Variants in ABCA7 observed in about 807,000 individuals in gnomAD.
The protein encoded by ABCA7 is ATP binding cassette subfamily A member 7.
A neutral mutation model predicts 227.6 loss-of-function variants in ABCA7; 261 were observed. The observed-to-expected ratio is 1.15, with a 90% CI of 1.04 to 1.27. The LOEUF is 1.27. Ranked by LOEUF, ABCA7 falls within the 50% of genes most tolerant of loss-of-function variation. The probability of loss-of-function intolerance (pLI) is 0.00; values close to 1 mark genes in which losing one functional copy is unlikely to be tolerated. For missense variants in ABCA7, 3,331 were observed against 2,924.5 expected (o/e 1.14, Z -3.21); for synonymous variants, 1,488 against 1,279.7 (o/e 1.16, Z -3.47).
rs762385586 is a variant in ABCA7 at position 1,046,934 on chromosome 19, G to A, written c.1755G>A (p.Gly585=). The A allele has an allele frequency of 1.3e-6, 2 of 1,563,580 alleles. No individual in the cohort carries two copies. The highest frequency in any genetic ancestry group is 4.6e-5 in the East Asian group (2 of 43,186). Residue 585 remains glycine, a synonymous_variant, in exon 14 of 47, where the codon GGG becomes GGA. Coordinates refer to ENST00000263094, the MANE Select transcript of ABCA7 (RefSeq NM_019112.4). ...TGCGGGACACCATGCGCGCCATGGG[G>A]CTCAGCCGCGCGGTGCTCTGGCTAG... ...TRLRDTMRAM[G]LSRAVLWLGW...
chr19:1,041,026 G>T (rs550337485), intron 1 of ABCA7, among the ~76,000 whole-genome samples, 199 bp from the exon 2 acceptor site: 18 of 152,218 alleles, frequency 1.2e-4, no homozygotes, highest in African/African-American at 4.3e-4. Context: ...GGTGACGAAA[G>T]CGTTAAGCCC....
At chr19:1,049,131 C>T (rs961488174) in intron 17 of ABCA7, 126 bp downstream of exon 17, 1 of 1,114,838 alleles carries the variant, frequency 9.0e-7, no homozygotes. Context: ...CCTGAAGACA[C>T]TGCGGTCCCC....
At position 1,057,304 on chromosome 19, in the gene ABCA7, T is replaced by A. The variant is rs767356096; in HGVS notation, c.4765-10T>A. 1.8e-5 allele frequency: 29 copies of A among 1,613,408 alleles called. No homozygotes were observed. Among genetic ancestry groups the A allele is most frequent in the Admixed American group, 3.3e-5 (2 of 59,998 alleles). On this transcript the variant is annotated splice_polypyrimidine_tract_variant and intron_variant, in intron 34 of 46. Coordinates refer to ENST00000263094, the MANE Select transcript of ABCA7 (RefSeq NM_019112.4). Reference sequence around the variant, plus strand: ...TAGGCTGATAAAGGTAACTGCCATCTCCAATGCAGTGTAACTACTTGGTGC... The same window carrying A: ...TAGGCTGATAAAGGTAACTGCCATCACCAATGCAGTGTAACTACTTGGTGC...
intron 44 of ABCA7, 22 bp downstream of exon 44, chr19:1,063,885 T>TGATGCC: frequency 6.6e-7 from 1 of 1,513,004 alleles, no homozygotes; most frequent in East Asian, 2.5e-5. Flanking sequence ...TCTGATGCCC[T>TGATGCC]GGGCTGTGGT....
chr19:1,046,766 G>A (rs1268007008), intron 13 of ABCA7, 36 bp from the exon 14 acceptor site: 2 of 1,523,902 alleles, frequency 1.3e-6, no homozygotes, highest in Admixed American at 2.0e-5. Context: ...GTCTGCGGAG[G>A]GTCTCCAGCC....
chr19:1,047,482 C>T lies in ABCA7; in HGVS notation c.2097C>T (p.Phe699=), dbSNP rs1355763467. ...ASLLSPVAFG[F]GCESLALLEE... is the part of the protein sequence containing the mutation. ...TGCTGTCGCCCGTGGCCTTCGGCTT[C>T]GGCTGCGAGAGCCTGGCTCTGCTGG... The change falls in exon 16 of 47, where the codon TTC becomes TTT. Residue 699 remains phenylalanine, a synonymous_variant. Transcript: ENST00000263094. 3 of 1,565,804 alleles carry T rather than the reference C, an allele frequency of 1.9e-6. No individual in the cohort carries two copies. Among genetic ancestry groups the T allele is most frequent in the Admixed American group, 3.6e-5 (2 of 55,310 alleles).
chr19:1,058,943 A>G lies in ABCA7; in HGVS notation c.5400+3A>G, dbSNP rs371908102. ...TGGTGCTGAGGAACTTGACCAAGGT[A>G]GGTGTGGTCAGGTCGACTGCTGGGT... On this transcript the variant is annotated splice_donor_region_variant and intron_variant, in intron 39 of 46. Transcript: ENST00000263094. The G allele has an allele frequency of 3.7e-6, 6 of 1,607,936 alleles. No individual in the cohort carries two copies. The African/African-American group carries it at 5.3e-5, about 14-fold the overall frequency.
intron 40 of ABCA7, among the ~76,000 whole-genome samples, chr19:1,060,209 T>TATATATATATATA (rs3971800): frequency 8.9e-5 from 3 of 33,856 alleles, no homozygotes; most frequent in African/African-American, 3.8e-4. Context: ...ATATATATAT[T>TATATATATATATA]TTTTTTTCTT....
rs747358941 is a variant in ABCA7 at position 1,046,270 on chromosome 19, C to T, written c.1486C>T (p.Leu496=). 1 of 1,607,052 alleles carries T rather than the reference C, an allele frequency of 6.2e-7. No individual in the cohort carries two copies. Among genetic ancestry groups the T allele is most frequent in the Admixed American group, 1.7e-5 (1 of 59,990 alleles). ...PGPAADPLTD[L]RYVWGGFVYL... ...CCCAGCCGCGGACCCCCTGACCGAC[C>T]TGCGCTACGTGTGGGGCGGCTTCGT... The change falls in exon 13 of 47, where the codon CTG becomes TTG. Residue 496 remains leucine (L), a synonymous_variant. Transcript: ENST00000263094.
rs1166774163 is a variant in ABCA7 at position 1,041,637 on chromosome 19, T to C, written c.160+34T>C. The C allele has an allele frequency of 3.1e-6, 5 of 1,601,684 alleles. No homozygotes were observed. In the African/African-American group the frequency reaches 6.7e-5, roughly 21 times the overall value. On this transcript the variant is annotated intron_variant, in intron 3 of 46. Coordinates refer to ENST00000263094, the MANE Select transcript of ABCA7 (RefSeq NM_019112.4). ...CCCCAGGGACCAGGCACTTTGTGTG[T>C]GTAGGGGAAGGCAGATGGCTCACCC...
In ABCA7 at chr19:1,054,676, C is replaced by T. The variant is rs1216490470; in HGVS notation, c.3833C>T (p.Ala1278Val). ...ALRLSPTMYG[A>V]QVSFFSEDAP... ...CGGCTCAGTCCCACCATGTACGGTG[C>T]TCAGGTGTCCTTCTTCAGGTGGGTG... Residue 1278 changes from alanine to valine, a missense_variant, in exon 28 of 47, where the codon GCT (alanine) becomes GTT (valine). Coordinates refer to ENST00000263094, the MANE Select transcript of ABCA7 (RefSeq NM_019112.4). This position sits in a 1 kb window ranked among gnomAD's most constrained non-coding sequence, Gnocchi z 4.8. 6.2e-7 allele frequency: 1 copy of T among 1,613,042 alleles called. No individual in the cohort carries two copies.
chr19:1,043,013 C>T, intron 7 of ABCA7, 28 bp from the exon 8 acceptor site: 1 of 1,574,002 alleles, frequency 6.4e-7, no homozygotes, highest in Non-Finnish European at 8.7e-7. Flanking sequence ...GGGATCATTG[C>T]CAGCTCCGTC....
Position 1,054,976 on chromosome 19 carries a change from C to T in ABCA7, c.3950+98C>T. On this transcript the variant is annotated intron_variant, in intron 29 of 46. Transcript: ENST00000263094. This position sits in a 1 kb window ranked among gnomAD's most constrained non-coding sequence, Gnocchi z 4.8. ...GCCTCAGGGGGCACCTGGAGCATCC[C>T]CTGTGCCCACCTGGGAGCTGGGAGC... The T allele has an allele frequency of 6.5e-7, 1 of 1,536,088 alleles. No homozygotes were observed. The highest frequency in any genetic ancestry group is 1.4e-5 in the African/African-American group (1 of 72,744).
intron 41 of ABCA7, 44 bp downstream of exon 41, chr19:1,061,932 T>G (rs372471450): frequency 8.4e-5 from 128 of 1,521,310 alleles, no homozygotes; most frequent in Non-Finnish European, 1.1e-4. Context: ...GGGTTGGCCC[T>G]GACGTCCTTG....
At position 1,051,439 on chromosome 19, in the gene ABCA7, T is replaced by C; in HGVS notation, c.2825-10T>C. Reference sequence around the variant, plus strand: ...GTGACACACTGAGGTCCCTTCCCCATCTCTACCAGGTGGGATGCAACGGAA... The same window carrying C: ...GTGACACACTGAGGTCCCTTCCCCACCTCTACCAGGTGGGATGCAACGGAA... On this transcript the variant is annotated splice_polypyrimidine_tract_variant and intron_variant, in intron 20 of 46. Coordinates refer to ENST00000263094, the MANE Select transcript of ABCA7 (RefSeq NM_019112.4). 6.2e-7 allele frequency: 1 copy of C among 1,608,632 alleles called. No individual in the cohort carries two copies. The highest frequency in any genetic ancestry group is 8.5e-7 in the Non-Finnish European group (1 of 1,177,142).
Position 1,043,398 on chromosome 19 carries a change from A to T in ABCA7, c.855A>T (p.Arg285Ser). Residue 285 changes from arginine to serine, a missense_variant, in exon 9 of 47, where the codon AGA becomes AGT. Coordinates refer to ENST00000263094, the MANE Select transcript of ABCA7 (RefSeq NM_019112.4). ...ACCCGCTGTCCCGCCTGCTCTGGAG[A>T]CGCCTGAAGCCTCTGATCCTCGGGA... The part of the protein sequence containing the change: ...DSHPLSRLLW[R>S]RLKPLILGKL... 1 of 1,613,182 alleles carries T rather than the reference A, an allele frequency of 6.2e-7. No homozygotes were observed. Among genetic ancestry groups the T allele is most frequent in the Non-Finnish European group, 8.5e-7 (1 of 1,179,984 alleles).
intron 9 of ABCA7, 95 bp downstream of exon 9, chr19:1,043,568 C>A (rs1370900771): frequency 6.3e-7 from 1 of 1,593,822 alleles, no homozygotes; most frequent in African/African-American, 1.3e-5. Flanking sequence ...CGGAGGGTCA[C>A]GGAAACTATT....
At chr19:1,047,411 C>T (rs747209087) in intron 15 of ABCA7, 33 bp downstream of exon 15, 140 of 1,541,504 alleles carry the variant, frequency 9.1e-5, no homozygotes, top group Non-Finnish European at 8.4e-5. Context: ...ATGGGGGACG[C>T]CCCCCGCTTC....
rs771876932 is a variant in ABCA7 at position 1,055,985 on chromosome 19, C to T, written c.4238+46C>T. On this transcript the variant is annotated intron_variant, in intron 31 of 46. Coordinates refer to ENST00000263094, the MANE Select transcript of ABCA7 (RefSeq NM_019112.4). ...GGGTCCCCTGCCCCAGTTCCACTCC[C>T]ATGCCCTCTGCCTGCCCCCTGGGAG... 1.9e-6 allele frequency: 3 copies of T among 1,567,074 alleles called. No individual in the cohort carries two copies. The South Asian group carries it at 3.6e-5, about 19-fold the overall frequency.
Sources: allele counts gnomAD v4.1 joint callset (sites outside exome capture counted in the v4.1 genomes callset), GRCh38; gene constraint gnomAD v4.1.1; non-coding constraint Gnocchi (gnomAD v3.1); transcripts MANE v1.5; gene names NCBI Gene and HGNC (gene_info 2026-07-23, HGNC 2026-07-21).